MACROD2: variants seen among roughly 807,000 people sequenced by gnomAD.
The protein encoded by MACROD2 is mono-ADP ribosylhydrolase 2, also known as ADP-ribose glycohydrolase MACROD2.
Under a neutral mutation model 70.4 loss-of-function variants are expected in MACROD2, and 36 were observed. The ratio of observed to expected loss-of-function variants is 0.51; its 90% CI spans 0.39 to 0.68. MACROD2 has a LOEUF of 0.68. Among genes scored for constraint, MACROD2 ranks in the 30% least tolerant of loss-of-function variants. The pLI is 0.00. For synonymous variants in MACROD2, 172 were observed against 178.8 expected (o/e 0.96, Z 0.30); for missense variants, 496 against 538.4 (o/e 0.92, Z 0.78).
chr20:15,842,661 G>T (rs145278067), intron 8 of MACROD2, among the ~76,000 whole-genome samples: 65 of 151,812 alleles, frequency 4.3e-4, no homozygotes, highest in South Asian at 1.0e-3. Flanking sequence ...TTGATGCTTG[G>T]ATTAGAAAGA....
intron 2 of MACROD2, chr20:14,052,028 T>C (rs1212015370): frequency 4.5e-6 from 2 of 444,256 alleles, no homozygotes; most frequent in Admixed American, 5.0e-5. Flanking sequence ...CAGGTATTCT[T>C]CTTACATATT....
At chr20:15,801,200 A>AAAAAG (rs749268333) in intron 8 of MACROD2, among the ~76,000 whole-genome samples, 26,863 of 137,416 alleles carry the variant, frequency 0.2, 2,539 homozygotes, top group African/African-American at 0.2. Context: ...AAAAAAAAAA[A>AAAAAG]AAAACGAAAA....
intron 3 of MACROD2, among the ~76,000 whole-genome samples, chr20:14,272,554 A>G (rs1399176637): frequency 6.6e-6 from 1 of 152,316 alleles, no homozygotes; most frequent in East Asian, 1.9e-4. Flanking sequence ...CAAATTGTAA[A>G]GACCATCGAG....
rs149901768 is a variant in MACROD2, at chr20:14,341,155, A to G, written c.272-152324A>G. ...ACATTCATTTATTCATTCATCATAT[A>G]CATATTTATTGACTCCCTGTGTAAA... On this transcript the variant is annotated intron_variant, in intron 3 of 17. Coordinates refer to ENST00000684519, the MANE Select transcript of MACROD2 (RefSeq NM_001351661.2). Among the ~76,000 whole-genome samples the G allele has an allele frequency of 3.3e-5, 5 of 152,344 alleles. No homozygotes were observed. In the East Asian group the frequency reaches 9.6e-4, roughly 29 times the overall value.
chr20:14,230,654 T>TATATATATATATATATATATATATAAAAA lies in MACROD2; in HGVS notation c.271+144927_271+144928insTATATATATATATATATATATATAAAAAA. ...GTTTATATATATATATATATATATATAACACAGGCTGGGCCTATATATATA... is the reference window on the plus strand; with the variant it reads ...GTTTATATATATATATATATATATATATATATATATATATATATATATATAAAAAAACACAGGCTGGGCCTATATATATA... On this transcript the variant is annotated intron_variant, in intron 3 of 17. Coordinates refer to ENST00000684519, the MANE Select transcript of MACROD2 (RefSeq NM_001351661.2). Among the ~76,000 whole-genome samples the TATATATATATATATATATATATATAAAAA allele has an allele frequency of 6.7e-5, 5 of 74,234 alleles. No homozygotes were observed. In the Admixed American group the frequency reaches 7.1e-4, roughly 11 times the overall value. 48.7% of individuals were successfully genotyped at this position (74,234 alleles called of 152,430 possible). A position where few individuals can be genotyped will look rare whatever the true frequency, so the allele number is the denominator to read the frequency against.
chr20:15,586,083 A>G (rs1229678002), intron 8 of MACROD2, among the ~76,000 whole-genome samples: 1 of 152,188 alleles, frequency 6.6e-6, no homozygotes, highest in East Asian at 1.9e-4. Context: ...ATTGAATGTC[A>G]GTTATGGCTT....
rs960934414 is a variant in MACROD2 at position 14,754,508 on chromosome 20, C to A, written c.418+69549C>A. 2.0e-5 allele frequency among the ~76,000 whole-genome samples: 3 copies of A among 152,044 alleles called. No homozygotes were observed. In the East Asian group the frequency reaches 5.8e-4, roughly 29 times the overall value. ...CTAGTTGCTTATATTCACTTTCTCT[C>A]ATTTAGGGAGTGTGGAGAGTAGAAT... On this transcript the variant is annotated intron_variant, in intron 5 of 17. Transcript: ENST00000684519.
At chr20:14,181,807 C>T (rs1043650735) in intron 3 of MACROD2, among the ~76,000 whole-genome samples, 1 of 152,180 alleles carries the variant, frequency 6.6e-6, no homozygotes, top group Non-Finnish European at 1.5e-5. Context: ...AACATTGTAG[C>T]ATGCATCAGT....
intron 3 of MACROD2, among the ~76,000 whole-genome samples, chr20:14,244,071 C>A (rs779644903): frequency 1.9e-4 from 29 of 152,150 alleles, no homozygotes; most frequent in Non-Finnish European, 3.4e-4. Flanking sequence ...ATTGTTATGT[C>A]TAGGCTTCTT....
chr20:15,191,230 G>T (rs2145914647), intron 5 of MACROD2, among the ~76,000 whole-genome samples: 1 of 152,282 alleles, frequency 6.6e-6, no homozygotes, highest in Middle Eastern at 3.4e-3. Context: ...GGAGGCAGAA[G>T]TATTTATTCA....
chr20:14,233,796 G>A (rs1026628582), intron 3 of MACROD2, among the ~76,000 whole-genome samples: 1 of 150,992 alleles, frequency 6.6e-6, no homozygotes, highest in Admixed American at 6.6e-5. Context: ...GTGAAAGATA[G>A]CCAGTCTTAA....
At chr20:15,154,633 C>T (rs914165355) in intron 5 of MACROD2, among the ~76,000 whole-genome samples, 1 of 152,176 alleles carries the variant, frequency 6.6e-6, no homozygotes. Flanking sequence ...TTACAGATCC[C>T]GTCTTGTTGC....
At chr20:14,453,005 A>G (rs187192444) in intron 3 of MACROD2, among the ~76,000 whole-genome samples, 4 of 152,192 alleles carry the variant, frequency 2.6e-5, no homozygotes, top group African/African-American at 9.6e-5. Flanking sequence ...CAATTACCTT[A>G]TCTAGGTCCT....
At chr20:14,111,713 A>G (rs1362049692) in intron 3 of MACROD2, among the ~76,000 whole-genome samples, 2 of 152,060 alleles carry the variant, frequency 1.3e-5, no homozygotes, top group African/African-American at 4.8e-5. Context: ...GCAGTAACAA[A>G]TGCTGGAGAG....
At chr20:14,002,244 T>G (rs201227849) in intron 1 of MACROD2, 44 bp from the exon 2 acceptor site, 459 of 1,295,978 alleles carry the variant, frequency 3.5e-4, no homozygotes, top group Non-Finnish European at 4.6e-4. Context: ...ATTCCCATGT[T>G]TAAACGTTAA....
chr20:14,636,891 A>T, intron 4 of MACROD2, among the ~76,000 whole-genome samples: 1 of 152,182 alleles, frequency 6.6e-6, no homozygotes, highest in Non-Finnish European at 1.5e-5. Context: ...ACTGATACTG[A>T]CGGAGTCTGT....
chr20:15,194,545 G>C (rs1372210324), intron 5 of MACROD2, among the ~76,000 whole-genome samples: 2 of 151,924 alleles, frequency 1.3e-5, no homozygotes, highest in African/African-American at 4.8e-5. Context: ...TCTTTACCAT[G>C]TTTTTTAATC....
intron 3 of MACROD2, among the ~76,000 whole-genome samples, chr20:14,255,406 C>G (rs1224567129): frequency 6.6e-6 from 1 of 151,926 alleles, no homozygotes; most frequent in Non-Finnish European, 1.5e-5. Flanking sequence ...AAGCTGGAAA[C>G]CATCATTCTC....
intron 7 of MACROD2, among the ~76,000 whole-genome samples, chr20:15,485,482 C>T (rs1172432908): frequency 6.6e-6 from 1 of 152,130 alleles, no homozygotes; most frequent in Non-Finnish European, 1.5e-5. Flanking sequence ...ACAGCTCAAG[C>T]AGGAGAACAG....
Sources: gnomAD v4.1 joint callset for allele counts (sites outside exome capture counted in the v4.1 genomes callset) on GRCh38, gnomAD v4.1.1 for gene constraint, MANE v1.5 for transcripts, NCBI Gene and HGNC (gene_info 2026-07-23, HGNC 2026-07-21) for gene names.